The following OR1F1 variants were observed in gnomAD, a reference collection of about 807,000 sequenced individuals.
OR1F1 encodes olfactory receptor family 1 subfamily F member 1, also known as olfactory receptor 1F1.
For missense variants in OR1F1, 493 were observed against 376.3 expected (o/e 1.31, Z -2.57); for synonymous variants, 184 against 156.7 (o/e 1.17, Z -1.30).
At chr16:3,191,491 T>C in the OR1F1 span, among the ~76,000 whole-genome samples, 234 of 152,246 alleles carry the variant, frequency 1.5e-3, no homozygotes, top group African/African-American at 5.5e-3. Flanking sequence ...CATAAAACGT[T>C]CCCAGGGAAG....
the OR1F1 span, among the ~76,000 whole-genome samples, chr16:3,189,003 G>A: frequency 6.6e-6 from 1 of 152,220 alleles, no homozygotes; most frequent in Non-Finnish European, 1.5e-5. Flanking sequence ...CTTGAGGCCA[G>A]GCAGGCGCTG....
chr16:3,205,102 A>G lies in OR1F1; in HGVS notation c.856A>G (p.Asn286Asp), dbSNP rs1439860952. ...GTATACAGTAGTGACTCCCATGCTA[A>G]ACCCTTTCATCTACAGCCTGAGGAA... The change falls in exon 1 of 1, where the codon AAC (asparagine) becomes GAC (aspartate). Residue 286 changes from asparagine to aspartate, a missense_variant. Transcript: ENST00000304646. 4 of 1,613,968 alleles carry G rather than the reference A, an allele frequency of 2.5e-6. No homozygotes were observed. Among genetic ancestry groups the G allele is most frequent in the African/African-American group, 2.7e-5 (2 of 74,910 alleles).
At chr16:3,196,065 C>A in the OR1F1 span, among the ~76,000 whole-genome samples, 2 of 152,252 alleles carry the variant, frequency 1.3e-5, no homozygotes, top group East Asian at 3.8e-4. Flanking sequence ...CAGGACCCAG[C>A]GAGCAGTTGG....
At chr16:3,195,349 C>T in the OR1F1 span, among the ~76,000 whole-genome samples, 1 of 152,102 alleles carries the variant, frequency 6.6e-6, no homozygotes, top group African/African-American at 2.4e-5. Flanking sequence ...ACAGCTACCG[C>T]GACTTGTGTG....
At chr16:3,197,001 C>T in the OR1F1 span, among the ~76,000 whole-genome samples, 1 of 152,168 alleles carries the variant, frequency 6.6e-6, no homozygotes, top group Non-Finnish European at 1.5e-5. Context: ...CTCAGTCCCC[C>T]AAGTAGCTGG....
At chr16:3,201,283 T>C (rs1481505568), upstream of OR1F1, among the ~76,000 whole-genome samples, 9 of 152,232 alleles carry the variant, frequency 5.9e-5, no homozygotes, top group Admixed American at 5.2e-4. Flanking sequence ...ACAATAATTG[T>C]TGTACAAATA....
upstream of OR1F1, among the ~76,000 whole-genome samples, chr16:3,199,409 G>A (rs1004067645): frequency 1.3e-5 from 2 of 152,046 alleles, no homozygotes; most frequent in African/African-American, 4.8e-5. Context: ...TCAGGAGGCT[G>A]AGGTAAGAGG....
the OR1F1 span, among the ~76,000 whole-genome samples, chr16:3,197,148 T>A: frequency 6.6e-6 from 1 of 151,994 alleles, no homozygotes; most frequent in Non-Finnish European, 1.5e-5. Flanking sequence ...AGTGCTGAGA[T>A]TACAGGCATG....
At chr16:3,200,016 CAA>C (rs533022490), upstream of OR1F1, among the ~76,000 whole-genome samples, 2 of 135,828 alleles carry the variant, frequency 1.5e-5, no homozygotes, top group Admixed American at 7.5e-5. Flanking sequence ...AACTCCGTCT[CAA>C]AAAAAAAAAA....
downstream of OR1F1, chr16:3,205,334 G>C: frequency 1.6e-6 from 1 of 630,886 alleles, no homozygotes; most frequent in Non-Finnish European, 2.7e-6. Flanking sequence ...AATTTTTTTT[G>C]AGACAGGGTC....
chr16:3,201,998 C>A (rs1167635245), upstream of OR1F1, among the ~76,000 whole-genome samples: 1 of 152,222 alleles, frequency 6.6e-6, no homozygotes, highest in Non-Finnish European at 1.5e-5. Context: ...TCTGCAGGAG[C>A]AGTCAGGCAG....
chr16:3,192,544 A>G, the OR1F1 span, among the ~76,000 whole-genome samples: 1 of 152,246 alleles, frequency 6.6e-6, no homozygotes, highest in African/African-American at 2.4e-5. Context: ...TGGGATGAGT[A>G]TCTTGAGCAG....
the OR1F1 span, among the ~76,000 whole-genome samples, chr16:3,191,725 T>G: frequency 2.0e-5 from 3 of 148,124 alleles, no homozygotes; most frequent in Non-Finnish European, 4.5e-5. Context: ...GTCAGTGAAA[T>G]GACCAAAGGC....
At chr16:3,190,575 A>G in the OR1F1 span, among the ~76,000 whole-genome samples, 1 of 151,960 alleles carries the variant, frequency 6.6e-6, no homozygotes, top group East Asian at 1.9e-4. Flanking sequence ...ACATGGTAAA[A>G]CCCTGTCTCT....
chr16:3,204,414 C>T (rs1958175264), exon 1 of OR1F1: 2 of 1,614,146 alleles, frequency 1.2e-6, no homozygotes, highest in Non-Finnish European at 1.7e-6. Context: ...CCTGCCTGCA[C>T]ACCCCCATGT....
the OR1F1 span, among the ~76,000 whole-genome samples, chr16:3,192,382 C>A: frequency 4.6e-5 from 7 of 152,310 alleles, no homozygotes; most frequent in African/African-American, 1.2e-4. Context: ...GGGCTCAAGT[C>A]CAGGGTTTAC....
At chr16:3,190,368 A>G in the OR1F1 span, among the ~76,000 whole-genome samples, 12 of 152,226 alleles carry the variant, frequency 7.9e-5, no homozygotes, top group South Asian at 2.5e-3. Context: ...GACAGATTCT[A>G]TTGGCAGGGA....
the OR1F1 span, among the ~76,000 whole-genome samples, chr16:3,198,964 G>A: frequency 6.7e-6 from 1 of 150,070 alleles, no homozygotes; most frequent in Non-Finnish European, 1.5e-5. Context: ...CACAAAAAAC[G>A]AAAACAAAAA....
the OR1F1 span, among the ~76,000 whole-genome samples, chr16:3,191,626 G>A: frequency 6.6e-6 from 1 of 152,110 alleles, no homozygotes; most frequent in Non-Finnish European, 1.5e-5. Flanking sequence ...AGCATTTAAT[G>A]AACACTACCA....
Sources: allele counts gnomAD v4.1 joint callset (sites outside exome capture counted in the v4.1 genomes callset), GRCh38; gene constraint gnomAD v4.1.1; transcripts MANE v1.5; gene names NCBI Gene and HGNC (gene_info 2026-07-23, HGNC 2026-07-21).